Variants in SERPINE2 observed in about 807,000 individuals in gnomAD.
SERPINE2 encodes glia-derived nexin.
Under a neutral mutation model 36.3 loss-of-function variants are expected in SERPINE2, and 14 were observed. The ratio of observed to expected loss-of-function variants is 0.39; its 90% confidence interval spans 0.25 to 0.60. The LOEUF (loss-of-function observed/expected upper bound fraction) is 0.60. SERPINE2 is among the 20% of genes least tolerant of loss of function. The pLI, the probability that SERPINE2 is intolerant of heterozygous loss-of-function variation, is 0.57. For missense variants in SERPINE2, 418 were observed against 499.6 expected, an observed-to-expected ratio of 0.84 and a Z score of 1.56; for synonymous variants, 192 against 191.8, an observed-to-expected ratio of 1.00 and a Z score of -0.01.
chr2:223,985,338 T>C (rs1690385588), intron 4 of SERPINE2, among the ~76,000 whole-genome samples: 1 of 151,766 alleles, frequency 6.6e-6, no homozygotes, highest in Admixed American at 6.6e-5. Context: ...ATTGTGTATA[T>C]TAAGGTACAC....
intron 1 of SERPINE2, among the ~76,000 whole-genome samples, chr2:224,005,054 T>TATTATATATTTA (rs1463665813): frequency 7.7e-5 from 2 of 25,846 alleles, no homozygotes; most frequent in Non-Finnish European, 1.8e-4. Flanking sequence ...ATTTTATATA[T>TATTATATATTTA]TTTATATATA....
intron 4 of SERPINE2, 26 bp downstream of exon 4, chr2:223,991,777 A>C (rs1190997347): frequency 6.2e-7 from 1 of 1,611,494 alleles, no homozygotes; most frequent in East Asian, 2.2e-5. Flanking sequence ...ACATCCTAGA[A>C]CAGGCTTCGC....
chr2:223,995,384 G>T (rs562221858), intron 3 of SERPINE2, among the ~76,000 whole-genome samples: 1 of 152,330 alleles, frequency 6.6e-6, no homozygotes, highest in Admixed American at 6.5e-5. Context: ...CCAGGTAAAG[G>T]CAGTTTGGAA....
At chr2:223,976,590 A>G (rs930128052) in intron 8 of SERPINE2, among the ~76,000 whole-genome samples, 7 of 152,266 alleles carry the variant, frequency 4.6e-5, no homozygotes, top group Non-Finnish European at 7.3e-5. Flanking sequence ...ATCTCATATT[A>G]CTGATTAAAT....
intron 4 of SERPINE2, among the ~76,000 whole-genome samples, chr2:223,986,097 G>C (rs1319294719): frequency 2.0e-5 from 3 of 152,200 alleles, no homozygotes; most frequent in South Asian, 4.1e-4. Flanking sequence ...CATAGAACAG[G>C]GTTGGGAGGG....
chr2:223,993,154 A>C (rs1365236459), intron 3 of SERPINE2, among the ~76,000 whole-genome samples: 1 of 140,062 alleles, frequency 7.1e-6, no homozygotes, highest in East Asian at 2.1e-4. Flanking sequence ...TAAATCTTTA[A>C]AAAGACAGAA....
intron 1 of SERPINE2, among the ~76,000 whole-genome samples, chr2:224,034,006 T>C (rs1692459975): frequency 1.3e-5 from 2 of 152,214 alleles, no homozygotes; most frequent in African/African-American, 4.8e-5. Flanking sequence ...GAGCTCCCCT[T>C]TGAGTCTGGA....
At chr2:224,038,595 T>C (rs966417491) in intron 1 of SERPINE2, 3 of 1,206,142 alleles carry the variant, frequency 2.5e-6, no homozygotes, top group Non-Finnish European at 3.6e-6. Flanking sequence ...AGTTAAAGGC[T>C]TTCCCCACAC....
chr2:223,978,205 T>C (rs908345624), intron 7 of SERPINE2: 1 of 152,688 alleles, frequency 6.5e-6, no homozygotes, highest in Non-Finnish European at 1.5e-5. Context: ...CTAATTTTTG[T>C]ATTTTTAGAG....
intron 5 of SERPINE2, among the ~76,000 whole-genome samples, chr2:223,983,833 G>A (rs1690323828): frequency 1.3e-5 from 2 of 151,310 alleles, no homozygotes; most frequent in Admixed American, 1.3e-4. Flanking sequence ...AGAGCACTAA[G>A]GAGACGTGGG....
intron 1 of SERPINE2, among the ~76,000 whole-genome samples, chr2:224,024,426 C>T (rs1339792845): frequency 6.6e-6 from 1 of 152,202 alleles, no homozygotes; most frequent in East Asian, 1.9e-4. Context: ...CGTCCTGTAA[C>T]CTGACTCCAT....
intron 1 of SERPINE2, among the ~76,000 whole-genome samples, chr2:224,016,459 T>C (rs536531150): frequency 2.0e-5 from 3 of 151,156 alleles, no homozygotes; most frequent in East Asian, 3.9e-4. Flanking sequence ...TGAGCCGAGG[T>C]TGTGCTATTG....
chr2:223,977,066 C>CGTAATTG (rs1426379188), intron 8 of SERPINE2, among the ~76,000 whole-genome samples: 1 of 152,144 alleles, frequency 6.6e-6, no homozygotes, highest in African/African-American at 2.4e-5. Flanking sequence ...TGCCTTCCAC[C>CGTAATTG]GTAATTGTGA....
chr2:224,012,112 C>A (rs1213014033), intron 1 of SERPINE2, among the ~76,000 whole-genome samples: 1 of 152,200 alleles, frequency 6.6e-6, no homozygotes, highest in Admixed American at 6.5e-5. Context: ...CTCCAGAGCT[C>A]CCCATGAGCT....
At chr2:224,004,580 C>T (rs1046371008) in intron 1 of SERPINE2, among the ~76,000 whole-genome samples, 49 of 152,270 alleles carry the variant, frequency 3.2e-4, no homozygotes, top group African/African-American at 1.1e-3. Context: ...CTTTGGAGAG[C>T]GTCCAAATCA....
chr2:223,984,994 T>C, intron 4 of SERPINE2, 44 bp from the exon 5 acceptor site: 1 of 1,579,640 alleles, frequency 6.3e-7, no homozygotes, highest in Non-Finnish European at 8.7e-7. Flanking sequence ...TGTTGACTTC[T>C]AGAAGCAGGA....
chr2:224,018,532 G>A (rs1339221400), intron 1 of SERPINE2, among the ~76,000 whole-genome samples: 1 of 150,998 alleles, frequency 6.6e-6, no homozygotes, highest in Non-Finnish European at 1.5e-5. Context: ...GGAAGATGAG[G>A]TAATCCAGGA....
At position 223,975,765 on chromosome 2, in the gene SERPINE2, C is replaced by T. The variant is rs141855253; in HGVS notation, c.*102G>A. 175 of 930,970 alleles carry T rather than the reference C, an allele frequency of 1.9e-4. No homozygotes were observed. In the African/African-American group the frequency reaches 2.4e-3, roughly 13 times the overall value. The allele number at this position is 930,970 out of a possible 1,614,324, so 57.7% of individuals were successfully genotyped here. On this transcript the variant is annotated 3_prime_UTR_variant, in exon 9 of 9. Coordinates refer to ENST00000409304, the MANE Select transcript of SERPINE2 (RefSeq NM_001136528.2). ...CTAAGAACTAGTTTTGAAAAAGAAG[C>T]GATGTACAAAAATATTTAACAGAAC... is the stretch of plus-strand genomic sequence containing the variant.
intron 3 of SERPINE2, among the ~76,000 whole-genome samples, chr2:223,993,716 A>G (rs1364029665): frequency 6.6e-6 from 1 of 152,216 alleles, no homozygotes; most frequent in Admixed American, 6.5e-5. Flanking sequence ...TCTGATGTAC[A>G]GTAAACAAGT....
Sources: allele counts gnomAD v4.1 joint callset (sites outside exome capture counted in the v4.1 genomes callset), GRCh38; gene constraint gnomAD v4.1.1; transcripts MANE v1.5; gene names NCBI Gene and HGNC (gene_info 2026-07-23, HGNC 2026-07-21).